Variants in SIL1 observed in about 807,000 individuals in gnomAD.
SIL1 encodes SIL1 nucleotide exchange factor, also known as nucleotide exchange factor SIL1.
A neutral mutation model predicts 49.1 loss-of-function variants in SIL1; 40 were observed. The observed-to-expected ratio is 0.81, with a 90% CI of 0.63 to 1.06. The LOEUF is 1.06. SIL1 is among the 50% of genes least tolerant of loss of function. The pLI, the probability that SIL1 is intolerant of heterozygous loss-of-function variation, is 0.00. For synonymous variants in SIL1, 253 were observed against 250.8 expected, an observed-to-expected ratio of 1.01 and a Z score of -0.08; for missense variants, 500 against 572.6, an observed-to-expected ratio of 0.87 and a Z score of 1.29.
chr5:139,086,819 G>T (rs945397929), intron 3 of SIL1, among the ~76,000 whole-genome samples: 2 of 151,774 alleles, frequency 1.3e-5, no homozygotes, highest in Admixed American at 1.3e-4. Context: ...AATTAGCTGG[G>T]CCTGGTGGCA....
At chr5:139,180,315 A>G (rs1751959779) in intron 1 of SIL1, among the ~76,000 whole-genome samples, 1 of 146,472 alleles carries the variant, frequency 6.8e-6, no homozygotes, top group South Asian at 2.2e-4. Context: ...CAGGAGGTGA[A>G]GATTGCAGTG....
chr5:139,181,363 G>A (rs1751979202), intron 1 of SIL1, among the ~76,000 whole-genome samples: 1 of 152,134 alleles, frequency 6.6e-6, no homozygotes, highest in South Asian at 2.1e-4. Context: ...AGGGATTTGG[G>A]GGAAATACTA....
chr5:139,030,688 A>G (rs1768769613), intron 5 of SIL1, among the ~76,000 whole-genome samples: 1 of 151,848 alleles, frequency 6.6e-6, no homozygotes, highest in Admixed American at 6.6e-5. Flanking sequence ...TTTTTTGTAG[A>G]AAACATAGAC....
At chr5:139,179,481 G>C (rs1390206806) in intron 1 of SIL1, among the ~76,000 whole-genome samples, 1 of 152,138 alleles carries the variant, frequency 6.6e-6, no homozygotes, top group African/African-American at 2.4e-5. Flanking sequence ...AGCAACTAAA[G>C]AAGTTCACAT....
intron 3 of SIL1, among the ~76,000 whole-genome samples, chr5:139,095,752 A>C (rs924007815): frequency 2.6e-5 from 4 of 152,140 alleles, no homozygotes; most frequent in Non-Finnish European, 5.9e-5. Flanking sequence ...TGGTGGAGCC[A>C]GGGAGGTCAA....
At chr5:139,078,408 A>T (rs927206637) in intron 3 of SIL1, among the ~76,000 whole-genome samples, 1 of 152,114 alleles carries the variant, frequency 6.6e-6, no homozygotes, top group African/African-American at 2.4e-5. Context: ...TAATTTCTGG[A>T]ATCATCTCTC....
At chr5:139,139,436 C>G (rs1751039036) in intron 1 of SIL1, among the ~76,000 whole-genome samples, 1 of 152,162 alleles carries the variant, frequency 6.6e-6, no homozygotes, top group Admixed American at 6.5e-5. Flanking sequence ...GTCCATAGTT[C>G]TAAAGGAACT....
intron 7 of SIL1, among the ~76,000 whole-genome samples, chr5:138,993,199 C>T (rs904944925): frequency 6.6e-6 from 1 of 152,124 alleles, no homozygotes; most frequent in Non-Finnish European, 1.5e-5. Context: ...TGCCCTTTAC[C>T]TCCTCTTCTA....
chr5:139,065,555 G>A lies in SIL1; in HGVS notation c.245-14509C>T, dbSNP rs1472880658. Among the ~76,000 whole-genome samples, 7 of 152,298 alleles carry A rather than the reference G, an allele frequency of 4.6e-5. No homozygotes were observed. The South Asian group carries it at 1.0e-3, about 23-fold the overall frequency. ...GCTCCTCAGAGGGCTGTGCTGACAG[G>A]TGCCCACCCAAGCATGGGCAAGGAG... On this transcript the variant is annotated intron_variant, in intron 3 of 9. Coordinates refer to ENST00000394817, the MANE Select transcript of SIL1 (RefSeq NM_022464.5).
chr5:139,026,761 G>T, intron 6 of SIL1, 40 bp downstream of exon 6: 1 of 1,576,222 alleles, frequency 6.3e-7, no homozygotes, highest in Non-Finnish European at 8.7e-7. Context: ...TATTTTTGGA[G>T]CTGTTAAAAG....
intron 1 of SIL1, among the ~76,000 whole-genome samples, chr5:139,146,524 C>A (rs531228584): frequency 6.6e-6 from 1 of 152,222 alleles, no homozygotes; most frequent in South Asian, 2.1e-4. Context: ...CACCACTGTA[C>A]TCTAGCCTGG....
At chr5:139,020,790 C>T (rs1768505102) in intron 7 of SIL1, among the ~76,000 whole-genome samples, 1 of 152,198 alleles carries the variant, frequency 6.6e-6, no homozygotes, top group Non-Finnish European at 1.5e-5. Flanking sequence ...CCTGAAAGCA[C>T]CCCCTTGGTC....
intron 3 of SIL1, among the ~76,000 whole-genome samples, chr5:139,119,647 G>A (rs764548193): frequency 2.3e-4 from 35 of 152,176 alleles, no homozygotes; most frequent in Admixed American, 1.7e-3. Context: ...TATAGTCCCA[G>A]CTACTCTGGA....
Position 139,112,425 on chromosome 5 carries a change from G to C in SIL1, c.244+8610C>G, listed in dbSNP as rs542306074. The stretch of plus-strand genomic sequence containing the variant: ...GAGCGTCTCTGCCCGGCTGCCCATC[G>C]TCTGAGATGTAGGGAGCGCCTCTGC... On this transcript the variant is annotated intron_variant, in intron 3 of 9. Transcript: ENST00000394817. Among the ~76,000 whole-genome samples the C allele has an allele frequency of 2.1e-5, 3 of 146,232 alleles. No homozygotes were observed. The East Asian group carries it at 6.2e-4, about 30-fold the overall frequency.
At chr5:139,072,526 G>C (rs1322635134) in intron 3 of SIL1, among the ~76,000 whole-genome samples, 1 of 151,996 alleles carries the variant, frequency 6.6e-6, no homozygotes, top group Non-Finnish European at 1.5e-5. Context: ...TTAGACCCTT[G>C]GTATATTTGT....
chr5:139,143,638 C>T lies in SIL1; in HGVS notation c.-10-15785G>A, dbSNP rs889184301. ...CCGCCCACCTTAGCCTCCCAAAGCT[C>T]TGGGATTACGGGCATAAGCCACCAC... is the stretch of plus-strand genomic sequence containing the variant. On this transcript the variant is annotated intron_variant, in intron 1 of 9. Transcript: ENST00000394817. 2.0e-5 allele frequency among the ~76,000 whole-genome samples: 3 copies of T among 152,202 alleles called. No homozygotes were observed. In the East Asian group the frequency reaches 5.8e-4, roughly 29 times the overall value.
chr5:139,112,002 G>A (rs544482850), intron 3 of SIL1, among the ~76,000 whole-genome samples: 18 of 152,310 alleles, frequency 1.2e-4, no homozygotes, highest in Admixed American at 3.9e-4. Context: ...GCGCCGCCAC[G>A]CCTGACTGGT....
At chr5:139,111,976 C>T (rs991581886) in intron 3 of SIL1, among the ~76,000 whole-genome samples, 15 of 152,244 alleles carry the variant, frequency 9.9e-5, no homozygotes, top group Admixed American at 3.9e-4. Context: ...TGCCGAGCGC[C>T]TGCGATTGCA....
chr5:139,087,152 C>G (rs761789544), intron 3 of SIL1, among the ~76,000 whole-genome samples: 2 of 151,932 alleles, frequency 1.3e-5, no homozygotes, highest in Non-Finnish European at 2.9e-5. Context: ...CTTTCTTCAT[C>G]CCCAACTCAT....
Sources: allele counts gnomAD v4.1 joint callset (sites outside exome capture counted in the v4.1 genomes callset), GRCh38; gene constraint gnomAD v4.1.1; transcripts MANE v1.5; gene names NCBI Gene and HGNC (gene_info 2026-07-23, HGNC 2026-07-21).